The following SEMA6D variants were observed in gnomAD, a reference collection of about 807,000 sequenced individuals.
The protein encoded by SEMA6D is semaphorin 6D, also known as semaphorin-6D.
A neutral mutation model predicts 106.6 loss-of-function variants in SEMA6D; 35 were observed. The ratio of observed to expected loss-of-function variants is 0.33; its 90% CI spans 0.25 to 0.44. The LOEUF (loss-of-function observed/expected upper bound fraction) is 0.44, where lower values mean the gene tolerates loss of function less well. Ranked by LOEUF, SEMA6D falls within the 20% of genes least tolerant of loss-of-function variation. The pLI, the probability that SEMA6D is intolerant of heterozygous loss-of-function variation, is 1.00. For missense variants in SEMA6D, 1,185 were observed against 1,345.9 expected, an observed-to-expected ratio of 0.88 and a Z score of 1.87; for synonymous variants, 499 against 487.7, an observed-to-expected ratio of 1.02 and a Z score of -0.31.
At chr15:47,421,008 A>G (rs556395293) in intron 2 of SEMA6D, among the ~76,000 whole-genome samples, 23 of 152,260 alleles carry the variant, frequency 1.5e-4, no homozygotes, top group African/African-American at 5.5e-4. Context: ...CAATGTAGAG[A>G]TATTGCAAGG....
chr15:47,661,967 T>A (rs548346915), intron 4 of SEMA6D, among the ~76,000 whole-genome samples: 1 of 152,282 alleles, frequency 6.6e-6, no homozygotes, highest in Admixed American at 6.5e-5. Flanking sequence ...CAGCAGCAAT[T>A]AATGGAGGCT....
chr15:47,603,714 T>A (rs1278241302), intron 4 of SEMA6D, among the ~76,000 whole-genome samples: 4 of 151,992 alleles, frequency 2.6e-5, no homozygotes, highest in African/African-American at 9.7e-5. Flanking sequence ...TCTTATTAAG[T>A]CCCCTCCCCC....
At chr15:47,403,237 A>T (rs1197637981) in intron 1 of SEMA6D, among the ~76,000 whole-genome samples, 1 of 152,160 alleles carries the variant, frequency 6.6e-6, no homozygotes, top group East Asian at 1.9e-4. Context: ...TGGACCAGTA[A>T]ATGCACAACT....
intron 4 of SEMA6D, among the ~76,000 whole-genome samples, chr15:47,617,675 T>C: frequency 6.6e-6 from 1 of 152,230 alleles, no homozygotes; most frequent in East Asian, 1.9e-4. Context: ...GTTAAATTCC[T>C]GTGTTTGGTT....
intron 3 of SEMA6D, among the ~76,000 whole-genome samples, chr15:47,563,382 A>G (rs1206166446): frequency 6.6e-6 from 1 of 152,226 alleles, no homozygotes; most frequent in African/African-American, 2.4e-5. Context: ...ATGCCACTAT[A>G]TAGGCCACTC....
In SEMA6D at chr15:47,298,069, G is replaced by C. The variant is rs554600149; in HGVS notation, c.-239+113651G>C. 2.6e-5 allele frequency among the ~76,000 whole-genome samples: 4 copies of C among 152,304 alleles called. No homozygotes were observed. The East Asian group carries it at 7.7e-4, about 29-fold the overall frequency. ...TAACGTAAGTAAAATGACATGATCT[G>C]ATTTATACTCTAACAGGATCACTTT... On this transcript the variant is annotated intron_variant, in intron 1 of 19. Transcript: ENST00000558014.
intron 3 of SEMA6D, among the ~76,000 whole-genome samples, chr15:47,585,813 A>G (rs1344958014): frequency 2.0e-5 from 3 of 152,222 alleles, no homozygotes; most frequent in Non-Finnish European, 4.4e-5. Context: ...AGCAAGTACT[A>G]TTTTATATAT....
chr15:47,770,134 G>A (rs375777345), intron 18 of SEMA6D, among the ~76,000 whole-genome samples: 2 of 152,052 alleles, frequency 1.3e-5, no homozygotes, highest in Non-Finnish European at 2.9e-5. Context: ...AAAATTATGA[G>A]ACAAAACATA....
At chr15:47,309,784 T>C (rs1376902299) in intron 1 of SEMA6D, among the ~76,000 whole-genome samples, 1 of 152,172 alleles carries the variant, frequency 6.6e-6, no homozygotes, top group Non-Finnish European at 1.5e-5. Flanking sequence ...GTCTATTTTA[T>C]AATAAAGCGT....
intron 1 of SEMA6D, among the ~76,000 whole-genome samples, chr15:47,241,698 G>GAA (rs79852968): frequency 6.6e-5 from 9 of 135,552 alleles, no homozygotes; most frequent in African/African-American, 2.2e-4. Context: ...GAAAACGATG[G>GAA]AAAAAAAAAA....
chr15:47,389,446 C>T (rs1245187410), intron 1 of SEMA6D, among the ~76,000 whole-genome samples: 1 of 151,984 alleles, frequency 6.6e-6, no homozygotes, highest in Non-Finnish European at 1.5e-5. Flanking sequence ...AAAGACATCA[C>T]TGAAATGCTT....
chr15:47,464,832 G>C (rs1014012056), intron 2 of SEMA6D, among the ~76,000 whole-genome samples: 3 of 152,126 alleles, frequency 2.0e-5, no homozygotes, highest in African/African-American at 7.2e-5. Flanking sequence ...CAAAGTGACA[G>C]TCCCATGGAT....
Position 47,759,724 on chromosome 15 carries a change from CA to C in SEMA6D, c.-54-18del. The C allele has an allele frequency of 9.3e-7, 1 of 1,080,578 alleles. No individual in the cohort carries two copies. The highest frequency in any genetic ancestry group is 1.4e-6 in the Non-Finnish European group (1 of 696,176). 66.9% of individuals were successfully genotyped at this position (1,080,578 alleles called of 1,614,324 possible). A position where few individuals can be genotyped will look rare whatever the true frequency, so the allele number is the denominator to read the frequency against. On this transcript the variant is annotated intron_variant, in intron 1 of 18. Transcript: ENST00000536845. ...CTTCATTGCAGCATAGAGATCTTTC[CA>C]AACTGCTTCTGTTTTCCAGGTAGCT...
intron 18 of SEMA6D, among the ~76,000 whole-genome samples, chr15:47,769,286 T>C (rs1031491477): frequency 6.6e-6 from 1 of 152,212 alleles, no homozygotes; most frequent in African/African-American, 2.4e-5. Context: ...TAGCTGCCTG[T>C]TGAGTTAGCT....
intron 1 of SEMA6D, among the ~76,000 whole-genome samples, chr15:47,202,682 A>G (rs2141097225): frequency 6.6e-6 from 1 of 152,226 alleles, no homozygotes. Context: ...ACTTCCTTTC[A>G]TTCCTGTTCT....
At chr15:47,762,963 A>C in intron 8 of SEMA6D, 53 bp from the exon 9 acceptor site, 1 of 1,361,740 alleles carries the variant, frequency 7.3e-7, no homozygotes, top group Non-Finnish European at 1.0e-6. Flanking sequence ...TCGGGGTCTT[A>C]TGCTAATTGA....
At chr15:47,400,259 G>GT (rs2040354987) in intron 1 of SEMA6D, among the ~76,000 whole-genome samples, 4 of 152,244 alleles carry the variant, frequency 2.6e-5, no homozygotes, top group Admixed American at 1.3e-4. Context: ...GGAGGCCAGG[G>GT]TAGGTGGATG....
chr15:47,331,469 T>G (rs1202563350), intron 1 of SEMA6D, among the ~76,000 whole-genome samples: 1 of 152,200 alleles, frequency 6.6e-6, no homozygotes, highest in African/African-American at 2.4e-5. Flanking sequence ...ATTTTTAGTC[T>G]TAATTATATA....
At chr15:47,547,665 G>A (rs1342833678) in intron 3 of SEMA6D, among the ~76,000 whole-genome samples, 2 of 152,080 alleles carry the variant, frequency 1.3e-5, no homozygotes, top group East Asian at 3.9e-4. Flanking sequence ...CTTGAAAATA[G>A]CAGGCTCATA....
Sources: allele counts gnomAD v4.1 joint callset (sites outside exome capture counted in the v4.1 genomes callset), GRCh38; gene constraint gnomAD v4.1.1; transcripts MANE v1.5; gene names NCBI Gene and HGNC (gene_info 2026-07-23, HGNC 2026-07-21).